Variants in CUL2 observed in about 807,000 individuals in gnomAD.
CUL2 encodes cullin-2.
CUL2 carries 22 observed loss-of-function variants against 110.2 expected under a neutral mutation model. That is an observed-to-expected ratio of 0.20 (90% CI 0.14 to 0.28). CUL2 has a LOEUF of 0.28. CUL2 is among the 10% of genes least tolerant of loss of function. CUL2 has a pLI of 1.00. For missense variants in CUL2, 631 were observed against 905.5 expected, an observed-to-expected ratio of 0.70 and a Z score of 3.89; for synonymous variants, 279 against 293.2, an observed-to-expected ratio of 0.95 and a Z score of 0.49.
upstream of CUL2, among the ~76,000 whole-genome samples, chr10:35,092,835 A>G (rs4934723): frequency 0.29 from 44,444 of 151,974 alleles, 7,042 homozygotes; most frequent in South Asian, 0.35. Flanking sequence ...ACTAATGAAA[A>G]GCAGCAAGAA....
At chr10:35,082,007 C>T (rs1311595336) in intron 1 of CUL2, among the ~76,000 whole-genome samples, 1 of 151,990 alleles carries the variant, frequency 6.6e-6, no homozygotes, top group East Asian at 1.9e-4. Flanking sequence ...TGTTTACAAT[C>T]CCAAAGAGAG....
chr10:35,085,781 G>A (rs932547718), intron 1 of CUL2, among the ~76,000 whole-genome samples: 1 of 146,520 alleles, frequency 6.8e-6, no homozygotes, highest in African/African-American at 2.5e-5. Context: ...AATACACAAA[G>A]AACAGGCAGA....
Position 35,033,262 on chromosome 10 carries a change from T to C in CUL2, c.1014A>G (p.Leu338=), listed in dbSNP as rs768030628. Residue 338 remains leucine, a synonymous_variant, in exon 11 of 21, where the codon CTA becomes CTG. Coordinates refer to ENST00000374749, the MANE Select transcript of CUL2 (RefSeq NM_003591.4). Reference sequence around the variant, plus strand: ...GCACTTCCAAAACTGACTCCACAAATAGTGTTGGCATCTAAAAATGAAATA... The same window carrying C: ...GCACTTCCAAAACTGACTCCACAAACAGTGTTGGCATCTAAAAATGAAATA... ...SNLTQENMPT[L]FVESVLEVHG... is the part of the protein sequence containing the mutation. The C allele has an allele frequency of 2.1e-5, 34 of 1,610,958 alleles. No individual in the cohort carries two copies. The East Asian group carries it at 7.4e-4, about 35-fold the overall frequency.
chr10:35,022,288 A>T (rs898471853), intron 17 of CUL2, among the ~76,000 whole-genome samples: 2 of 152,234 alleles, frequency 1.3e-5, no homozygotes. Flanking sequence ...GTGAGCTAAT[A>T]ACTCCAGCCA....
intron 1 of CUL2, among the ~76,000 whole-genome samples, chr10:35,075,237 T>C (rs2086786516): frequency 6.6e-6 from 1 of 152,106 alleles, no homozygotes; most frequent in Non-Finnish European, 1.5e-5. Context: ...AGCAGGAAGG[T>C]ATGCTGAGAC....
chr10:35,011,815 C>G, intron 20 of CUL2, 33 bp downstream of exon 20: 1 of 1,166,574 alleles, frequency 8.6e-7, no homozygotes, highest in Middle Eastern at 2.0e-4. Context: ...TGCCCTCTAC[C>G]CTAAGAAGCC....
chr10:35,049,667 A>C lies in CUL2; in HGVS notation c.506+16T>G, dbSNP rs1256616972. On this transcript the variant is annotated intron_variant, in intron 6 of 20. Transcript: ENST00000374749. ...CAAAATAAAATTGACTCAGTAAGAT[A>C]AATGTCAGCACTCACTTTTTGATTT... is the stretch of plus-strand genomic sequence containing the variant. 1 of 1,600,746 alleles carries C rather than the reference A, an allele frequency of 6.2e-7. No homozygotes were observed. The highest frequency in any genetic ancestry group is 1.3e-5 in the African/African-American group (1 of 74,558).
intron 1 of CUL2, among the ~76,000 whole-genome samples, chr10:35,110,096 G>C (rs1389822739): frequency 6.6e-6 from 1 of 151,962 alleles, no homozygotes; most frequent in Non-Finnish European, 1.5e-5. Flanking sequence ...GATCACTTGA[G>C]CCTGGGAGGT....
intron 4 of CUL2, among the ~76,000 whole-genome samples, chr10:35,054,833 A>G (rs1346528527): frequency 6.6e-6 from 1 of 152,206 alleles, no homozygotes; most frequent in Non-Finnish European, 1.5e-5. Context: ...GGGAAAGTCA[A>G]GATAAAGTCC....
At position 35,039,577 on chromosome 10, in the gene CUL2, A is replaced by T. The variant is rs11819221; in HGVS notation, c.715-495T>A. 9.9e-4 allele frequency among the ~76,000 whole-genome samples: 151 copies of T among 152,384 alleles called. 1 individual carries two copies. The highest frequency in any genetic ancestry group is 1.8e-3 in the Non-Finnish European group (122 of 68,042). On this transcript the variant is annotated intron_variant, in intron 8 of 20. Coordinates refer to ENST00000374749, the MANE Select transcript of CUL2 (RefSeq NM_003591.4). ...TAAAGATTTAATTAAAATTTTTGAA[A>T]GTAGGGGCTGGACATGGTGGCTCAC...
rs2085031643 is a variant in CUL2, at chr10:35,016,297, G to A, written c.1782C>T (p.Val594=). The part of the protein sequence containing the change: ...VLLAFNNSET[V]SYKELQDSTQ... ...TGCTGTCCTGAAGCTCTTTATAACT[G>A]ACAGTTTCACTGTTGTTAAAGGCAA... Residue 594 remains valine, a synonymous_variant, in exon 18 of 21, where the codon GTC becomes GTT. Transcript: ENST00000374749. 6.2e-7 allele frequency: 1 copy of A among 1,613,802 alleles called. No homozygotes were observed. Among genetic ancestry groups the A allele is most frequent in the African/African-American group, 1.3e-5 (1 of 75,034 alleles).
intron 9 of CUL2, among the ~76,000 whole-genome samples, chr10:35,037,049 C>T (rs186750757): frequency 2.5e-3 from 378 of 152,214 alleles, no homozygotes; most frequent in Non-Finnish European, 4.6e-3. Flanking sequence ...TCAATCGTTC[C>T]TTTGTGGTTA....
At chr10:35,070,120 G>C (rs1292672256) in intron 2 of CUL2, among the ~76,000 whole-genome samples, 1 of 152,064 alleles carries the variant, frequency 6.6e-6, no homozygotes, top group African/African-American at 2.4e-5. Flanking sequence ...TTCCTTATCC[G>C]TTACAGTCAA....
chr10:35,042,550 T>C (rs981163493), intron 8 of CUL2, among the ~76,000 whole-genome samples: 1 of 152,094 alleles, frequency 6.6e-6, no homozygotes, highest in Admixed American at 6.5e-5. Context: ...CTGTGGGTCA[T>C]AAGACCCTCC....
rs529993833 is a variant in CUL2, at chr10:35,082,361, A to G, written c.-23+7818T>C. 2.6e-4 allele frequency among the ~76,000 whole-genome samples: 39 copies of G among 152,358 alleles called. 1 individual carries two copies. Among genetic ancestry groups the G allele is most frequent in the Non-Finnish European group, 3.5e-4 (24 of 68,034 alleles). On this transcript the variant is annotated intron_variant, in intron 1 of 20. Transcript: ENST00000374749. ...TGTATGTGGGCAAATTCATAAAGAC[A>G]GAAAGAAGGATGAGATGTTATCAGA...
chr10:35,096,188 C>T (rs530351300), intron 2 of CUL2, among the ~76,000 whole-genome samples: 108 of 152,092 alleles, frequency 7.1e-4, no homozygotes, highest in African/African-American at 2.5e-3. Context: ...GCAGAGGTTT[C>T]AGTGAGTTGA....
intron 2 of CUL2, among the ~76,000 whole-genome samples, chr10:35,067,331 T>C (rs1044289865): frequency 2.6e-5 from 4 of 152,272 alleles, no homozygotes; most frequent in East Asian, 1.9e-4. Context: ...GTCTACATTA[T>C]GCTGCTGGAG....
At chr10:35,014,115 T>A (rs543624823) in intron 18 of CUL2, among the ~76,000 whole-genome samples, 2 of 152,236 alleles carry the variant, frequency 1.3e-5, no homozygotes, top group African/African-American at 4.8e-5. Flanking sequence ...TTGCCTAGAG[T>A]TTGACATTTT....
At chr10:35,112,026 T>C (rs2087529574) in intron 1 of CUL2, among the ~76,000 whole-genome samples, 1 of 152,214 alleles carries the variant, frequency 6.6e-6, no homozygotes, top group Non-Finnish European at 1.5e-5. Context: ...CCTGAAGGCC[T>C]CATTACTCCT....
Sources: gnomAD v4.1 joint callset for allele counts (sites outside exome capture counted in the v4.1 genomes callset) on GRCh38, gnomAD v4.1.1 for gene constraint, MANE v1.5 for transcripts, NCBI Gene and HGNC (gene_info 2026-07-23, HGNC 2026-07-21) for gene names.